CIB4: variants seen among roughly 807,000 people sequenced by gnomAD.
The protein encoded by CIB4 is calcium and integrin binding family member 4.
In CIB4, 25 loss-of-function variants were observed where a neutral mutation model predicts 25.8. The observed-to-expected ratio is 0.97, with a 90% confidence interval of 0.71 to 1.35. The LOEUF (loss-of-function observed/expected upper bound fraction) is 1.35. Among genes scored for constraint, CIB4 ranks in the 40% most tolerant of loss-of-function variants. The pLI is 0.00. For synonymous variants in CIB4, 75 were observed against 81.4 expected (o/e 0.92, Z 0.42); for missense variants, 235 against 228.2 (o/e 1.03, Z -0.19).
intron 2 of CIB4, among the ~76,000 whole-genome samples, chr2:26,629,746 G>T (rs1247676844): frequency 6.6e-6 from 1 of 152,210 alleles, no homozygotes. Flanking sequence ...CACCATAGAG[G>T]ATGCAGAGAT....
chr2:26,618,114 C>G (rs1415281819), intron 3 of CIB4, among the ~76,000 whole-genome samples: 1 of 152,088 alleles, frequency 6.6e-6, no homozygotes, highest in Admixed American at 6.5e-5. Flanking sequence ...AAAAAATGCA[C>G]CAGGAAGATC....
chr2:26,619,978 A>G (rs1233905199), intron 3 of CIB4, among the ~76,000 whole-genome samples: 1 of 148,548 alleles, frequency 6.7e-6, no homozygotes, highest in Non-Finnish European at 1.5e-5. Context: ...CACAGCGGGG[A>G]AGGCAACACC....
chr2:26,583,489 G>A (rs1432943727), intron 5 of CIB4, among the ~76,000 whole-genome samples: 1 of 152,176 alleles, frequency 6.6e-6, no homozygotes, highest in Non-Finnish European at 1.5e-5. Flanking sequence ...CATGTAGGGA[G>A]GCCCCTCGAG....
At chr2:26,592,530 CA>C (rs991490288) in intron 4 of CIB4, among the ~76,000 whole-genome samples, 3 of 152,164 alleles carry the variant, frequency 2.0e-5, no homozygotes, top group African/African-American at 7.2e-5. Context: ...ATTATGTCTT[CA>C]AATATCTTTT....
chr2:26,582,564 A>C (rs900567324), intron 6 of CIB4, among the ~76,000 whole-genome samples: 4 of 152,232 alleles, frequency 2.6e-5, no homozygotes, highest in Non-Finnish European at 5.9e-5. Context: ...CAGCTGGCAC[A>C]GGGAATGCTC....
intron 4 of CIB4, among the ~76,000 whole-genome samples, chr2:26,594,875 T>C (rs570849300): frequency 6.6e-6 from 1 of 152,310 alleles, no homozygotes; most frequent in South Asian, 2.1e-4. Flanking sequence ...ATAAATCCTT[T>C]ACATGCATAT....
At position 26,583,814 on chromosome 2, in the gene CIB4, T is replaced by C; in HGVS notation, c.413A>G (p.Asp138Gly). The change falls in exon 5 of 7, where the codon GAC becomes GGC. Residue 138 changes from aspartate (D) to glycine (G), a missense_variant. Physicochemically the swap from Asp to Gly is moderately conservative, Grantham distance 94. Coordinates refer to ENST00000288861, the MANE Select transcript of CIB4 (RefSeq NM_001029881.3). ...RLLNSDDMSE[D>G]LLMDLTNHVL... ...GTGGTTCGTGAGGTCCATCAGGAGG[T>C]CCTCAGACATGTCATCACTGTTCAG... 1 of 1,609,020 alleles carries C rather than the reference T, an allele frequency of 6.2e-7. No homozygotes were observed. The highest frequency in any genetic ancestry group is 1.3e-5 in the African/African-American group (1 of 74,816).
intron 2 of CIB4, among the ~76,000 whole-genome samples, chr2:26,631,085 T>G (rs902928143): frequency 4.6e-5 from 7 of 152,168 alleles, no homozygotes; most frequent in African/African-American, 1.7e-4. Flanking sequence ...GGAGTCTGTA[T>G]GCAGGAGTGA....
At chr2:26,620,262 T>G (rs183217947) in intron 3 of CIB4, among the ~76,000 whole-genome samples, 146 of 152,314 alleles carry the variant, frequency 9.6e-4, no homozygotes, top group African/African-American at 3.4e-3. Flanking sequence ...CATCCCGGAA[T>G]CCCCTACAGA....
intron 3 of CIB4, among the ~76,000 whole-genome samples, chr2:26,612,583 A>T (rs1669016163): frequency 6.6e-6 from 1 of 151,688 alleles, no homozygotes; most frequent in Admixed American, 6.6e-5. Flanking sequence ...GGACTCAAGA[A>T]GTGGGACCAC....
intron 3 of CIB4, among the ~76,000 whole-genome samples, chr2:26,624,855 T>TATA (rs1491434954): frequency 1.4e-5 from 2 of 147,448 alleles, no homozygotes; most frequent in African/African-American, 5.2e-5. Flanking sequence ...TATATATATA[T>TATA]TTTTTTTATA....
At chr2:26,599,777 T>C (rs1049923372) in intron 3 of CIB4, among the ~76,000 whole-genome samples, 1 of 152,182 alleles carries the variant, frequency 6.6e-6, no homozygotes, top group Admixed American at 6.5e-5. Flanking sequence ...CCCACTCTTA[T>C]TAAAATAATA....
At chr2:26,584,941 G>A (rs1176163955) in intron 4 of CIB4, among the ~76,000 whole-genome samples, 9 of 152,146 alleles carry the variant, frequency 5.9e-5, no homozygotes, top group Admixed American at 2.6e-4. Context: ...CCAGGACAGC[G>A]CTCAGAAGTG....
At chr2:26,630,581 C>G (rs1393580765) in intron 2 of CIB4, among the ~76,000 whole-genome samples, 1 of 152,078 alleles carries the variant, frequency 6.6e-6, no homozygotes, top group Non-Finnish European at 1.5e-5. Flanking sequence ...TCACCACAGG[C>G]TGGTTGAAAA....
At chr2:26,597,165 A>T (rs1668697201) in intron 3 of CIB4, among the ~76,000 whole-genome samples, 2 of 152,244 alleles carry the variant, frequency 1.3e-5, no homozygotes, top group African/African-American at 4.8e-5. Context: ...GAAATATAGA[A>T]ACAGACTCTT....
intron 3 of CIB4, among the ~76,000 whole-genome samples, chr2:26,596,486 G>T (rs1668684970): frequency 6.6e-6 from 1 of 152,200 alleles, no homozygotes; most frequent in Admixed American, 6.5e-5. Flanking sequence ...GCTCAAGCTT[G>T]TAATCCCAGC....
intron 2 of CIB4, among the ~76,000 whole-genome samples, chr2:26,632,467 G>A (rs1485366684): frequency 1.3e-5 from 2 of 152,114 alleles, no homozygotes; most frequent in South Asian, 2.1e-4. Context: ...TACAAGGGGC[G>A]AGGGGTAGGC....
intron 3 of CIB4, among the ~76,000 whole-genome samples, chr2:26,599,178 T>C (rs570089184): frequency 6.6e-6 from 1 of 152,190 alleles, no homozygotes; most frequent in Non-Finnish European, 1.5e-5. Flanking sequence ...AAGAATAACA[T>C]GTACCCTGGT....
At chr2:26,586,140 A>G (rs1018475475) in intron 4 of CIB4, among the ~76,000 whole-genome samples, 3 of 152,066 alleles carry the variant, frequency 2.0e-5, no homozygotes, top group Non-Finnish European at 2.9e-5. Flanking sequence ...CCGGAAGTCT[A>G]TTCCCAACAC....
Sources: allele counts gnomAD v4.1 joint callset (sites outside exome capture counted in the v4.1 genomes callset), GRCh38; gene constraint gnomAD v4.1.1; transcripts MANE v1.5; gene names NCBI Gene and HGNC (gene_info 2026-07-23, HGNC 2026-07-21).